The following NEK3 variants were observed in gnomAD, a reference collection of about 807,000 sequenced individuals.
The protein encoded by NEK3 is NIMA related kinase 3.
Under a neutral mutation model 66.0 loss-of-function variants are expected in NEK3, and 54 were observed. That is an observed-to-expected ratio of 0.82 (90% confidence interval 0.66 to 1.03). NEK3 has a LOEUF of 1.03. NEK3 is among the 50% of genes least tolerant of loss of function. The pLI, the probability that NEK3 is intolerant of heterozygous loss-of-function variation, is 0.00. For missense variants in NEK3, 593 were observed against 603.0 expected (o/e 0.98, Z 0.17); for synonymous variants, 200 against 206.2 (o/e 0.97, Z 0.26).
At chr13:52,156,415 T>C in intron 1 of NEK3, 167 bp from the exon 2 acceptor site, 1 of 369,826 alleles carries the variant, frequency 2.7e-6, no homozygotes. Flanking sequence ...AGAATTGTTT[T>C]GAGCTGAAAC....
At chr13:52,140,405 G>A (rs1305589858) in intron 11 of NEK3, among the ~76,000 whole-genome samples, 1 of 151,926 alleles carries the variant, frequency 6.6e-6, no homozygotes, top group African/African-American at 2.4e-5. Context: ...TGAGGAGATC[G>A]AGACCATCCT....
intron 12 of NEK3, among the ~76,000 whole-genome samples, 151 bp from the exon 13 acceptor site, chr13:52,136,410 G>A (rs1422992712): frequency 2.0e-5 from 3 of 151,578 alleles, no homozygotes; most frequent in Non-Finnish European, 2.9e-5. Context: ...TCTAATCTAA[G>A]TAGCAAAGGA....
intron 14 of NEK3, 27 bp from the exon 15 acceptor site, chr13:52,133,842 A>C: frequency 6.3e-7 from 1 of 1,574,846 alleles, no homozygotes; most frequent in Admixed American, 1.8e-5. Flanking sequence ...CAGAAAATAT[A>C]CCAATTTAAA....
intron 1 of NEK3, among the ~76,000 whole-genome samples, chr13:52,158,888 C>T (rs1001847437): frequency 1.3e-5 from 2 of 152,186 alleles, no homozygotes; most frequent in African/African-American, 4.8e-5. Context: ...TAAGTTTTCA[C>T]CGTGTTGTCG....
At chr13:52,148,172 AGAG>A in intron 8 of NEK3, 1 of 367,346 alleles carries the variant, frequency 2.7e-6, no homozygotes, top group Non-Finnish European at 4.8e-6. Context: ...AAGAAAGAAA[AGAG>A]GAAAAGAGAA....
At chr13:52,153,302 G>C (rs1351415790) in intron 4 of NEK3, among the ~76,000 whole-genome samples, 1 of 151,864 alleles carries the variant, frequency 6.6e-6, no homozygotes, top group African/African-American at 2.4e-5. Flanking sequence ...TAACAATATA[G>C]TTTCTAAATG....
chr13:52,145,813 G>A (rs1004253321), intron 8 of NEK3, among the ~76,000 whole-genome samples: 4 of 152,140 alleles, frequency 2.6e-5, no homozygotes, highest in East Asian at 1.9e-4. Context: ...GAAAGAATGT[G>A]TTAGCATTCT....
At chr13:52,151,616 T>C (rs989849974) in intron 5 of NEK3, among the ~76,000 whole-genome samples, 4 of 152,196 alleles carry the variant, frequency 2.6e-5, no homozygotes, top group African/African-American at 9.6e-5. Context: ...AAGTTTTAGG[T>C]TGTATCAGCA....
chr13:52,142,965 A>G (rs1299249069), intron 10 of NEK3, among the ~76,000 whole-genome samples: 1 of 152,240 alleles, frequency 6.6e-6, no homozygotes, highest in African/African-American at 2.4e-5. Flanking sequence ...TAGATGTATG[A>G]AAATTTCATG....
chr13:52,146,395 T>C (rs1447541930), intron 8 of NEK3, among the ~76,000 whole-genome samples: 1 of 149,948 alleles, frequency 6.7e-6, no homozygotes, highest in Non-Finnish European at 1.5e-5. Flanking sequence ...TTTTAACCAT[T>C]ACACCAACTA....
At chr13:52,136,292 C>T in intron 12 of NEK3, 33 bp from the exon 13 acceptor site, 1 of 1,610,140 alleles carries the variant, frequency 6.2e-7, no homozygotes, top group Non-Finnish European at 8.5e-7. Context: ...GAATGCCAAG[C>T]ATGTGAAATT....
At position 52,136,792 on chromosome 13, in the gene NEK3, T is replaced by C; in HGVS notation, c.1030+8A>G. On this transcript the variant is annotated splice_region_variant and intron_variant, in intron 12 of 15. Transcript: ENST00000610828. ...ACCTAAGAAATGATTAGAATTTGAA[T>C]AACTTACCTTTTTCTTCTCTGTTTA... is the stretch of plus-strand genomic sequence containing the variant. 1 of 1,529,386 alleles carries C rather than the reference T, an allele frequency of 6.5e-7. No homozygotes were observed. Among genetic ancestry groups the C allele is most frequent in the Non-Finnish European group, 8.9e-7 (1 of 1,129,120 alleles). The allele number at this position is 1,529,386 out of a possible 1,614,324, so 94.7% of individuals were successfully genotyped here. A position where few individuals can be genotyped will look rare whatever the true frequency, so the allele number is the denominator to read the frequency against.
intron 2 of NEK3, among the ~76,000 whole-genome samples, chr13:52,154,593 T>C (rs1344932092): frequency 6.6e-6 from 1 of 151,806 alleles, no homozygotes; most frequent in Non-Finnish European, 1.5e-5. Context: ...TTTGACTGTC[T>C]GCATCACTTA....
chr13:52,152,618 G>A lies in NEK3; in HGVS notation c.384C>T (p.Ile128=), dbSNP rs990945217. The change falls in exon 5 of 16, where the codon ATC becomes ATT. Residue 128 remains isoleucine (I), a synonymous_variant. Coordinates refer to ENST00000610828, the MANE Select transcript of NEK3 (RefSeq NM_002498.3). The part of the protein sequence containing the change: ...IHKKRVLHRD[I]KSKNIFLTQN... ...AATGTACTCCACTCACCTTGGACTT[G>A]ATATCTCTGTGTAGCACACGTTTCT... 1.2e-5 allele frequency: 19 copies of A among 1,597,966 alleles called. No homozygotes were observed. The highest frequency in any genetic ancestry group is 1.7e-5 in the Admixed American group (1 of 57,828).
chr13:52,133,273 G>C (rs1403559812), intron 15 of NEK3, 47 bp from the exon 16 acceptor site: 1 of 1,425,624 alleles, frequency 7.0e-7, no homozygotes, highest in East Asian at 2.4e-5. Flanking sequence ...TAGGGGCACA[G>C]TATCTGTTGA....
Position 52,153,879 on chromosome 13 carries a change from T to A in NEK3, c.309+16A>T. On this transcript the variant is annotated intron_variant, in intron 4 of 15. Transcript: ENST00000610828. Reference sequence around the variant, plus strand: ...CTTCTAAACCTTGAGAGAAACTATGTAAGTCAATCTCTTACCATGTCTTCA... The same window carrying A: ...CTTCTAAACCTTGAGAGAAACTATGAAAGTCAATCTCTTACCATGTCTTCA... The A allele has an allele frequency of 6.4e-7, 1 of 1,556,234 alleles. No individual in the cohort carries two copies. The highest frequency in any genetic ancestry group is 1.1e-5 in the South Asian group (1 of 89,766).
intron 10 of NEK3, among the ~76,000 whole-genome samples, chr13:52,141,876 T>C (rs1043193096): frequency 7.3e-5 from 11 of 151,532 alleles, no homozygotes; most frequent in Non-Finnish European, 1.2e-4. Context: ...GGTCAGGAGT[T>C]TGAGACCAGC....
At chr13:52,151,277 A>T in intron 6 of NEK3, 45 bp from the exon 7 acceptor site, 1 of 1,595,686 alleles carries the variant, frequency 6.3e-7, no homozygotes, top group East Asian at 2.2e-5. Context: ...ACATTCCTGA[A>T]AATTGATGTT....
chr13:52,149,427 A>G (rs1322500819), intron 7 of NEK3, among the ~76,000 whole-genome samples: 1 of 152,106 alleles, frequency 6.6e-6, no homozygotes, highest in East Asian at 1.9e-4. Context: ...AATGGTTTTT[A>G]CCAACTATTT....
Sources: gnomAD v4.1 joint callset for allele counts (sites outside exome capture counted in the v4.1 genomes callset) on GRCh38, gnomAD v4.1.1 for gene constraint, MANE v1.5 for transcripts, NCBI Gene and HGNC (gene_info 2026-07-23, HGNC 2026-07-21) for gene names.